PCDHA1: variants seen among roughly 807,000 people sequenced by gnomAD.
PCDHA1 encodes the protein protocadherin alpha 1, also known as protocadherin alpha-1.
In PCDHA1, 42 loss-of-function variants were observed where a neutral mutation model predicts 61.3. The observed-to-expected ratio is 0.69, with a 90% confidence interval of 0.54 to 0.89. The LOEUF (loss-of-function observed/expected upper bound fraction) is 0.89, where lower values mean the gene tolerates loss of function less well. Among genes scored for constraint, PCDHA1 ranks in the 40% least tolerant of loss-of-function variants. PCDHA1 has a pLI of 0.00. For synonymous variants in PCDHA1, 610 were observed against 553.8 expected, an observed-to-expected ratio of 1.10 and a Z score of -1.43; for missense variants, 1,256 against 1,235.3, an observed-to-expected ratio of 1.02 and a Z score of -0.25.
chr5:140,887,221 C>G lies in PCDHA1; in HGVS notation c.2395-91728C>G, dbSNP rs149306651. ...ACGCCATTCTCCTGCCTCAGCCTCCCGAGTAGCTGAGACTACCGGCGCCCG... is the reference window on the plus strand; with the variant it reads ...ACGCCATTCTCCTGCCTCAGCCTCCGGAGTAGCTGAGACTACCGGCGCCCG... On this transcript the variant is annotated intron_variant, in intron 1 of 3. Transcript: ENST00000504120. Among the ~76,000 whole-genome samples, 1,413 of 151,972 alleles carry G rather than the reference C, an allele frequency of 9.3e-3. 17 individuals carry two copies. The highest frequency in any genetic ancestry group is 0.033 in the African/African-American group (1,349 of 41,450).
intron 1 of PCDHA1, chr5:140,860,355 TG>T (rs1218123475): frequency 1.3e-5 from 2 of 152,074 alleles, no homozygotes; most frequent in African/African-American, 2.4e-5. Context: ...CACTCCAGCC[TG>T]GATGACAAAG....
intron 1 of PCDHA1, among the ~76,000 whole-genome samples, chr5:140,971,045 T>C (rs2096453995): frequency 6.6e-6 from 1 of 152,090 alleles, no homozygotes; most frequent in East Asian, 1.9e-4. Context: ...CGTAAAAGGG[T>C]TTAGCTTTAA....
At chr5:140,853,861 T>C in intron 1 of PCDHA1, 1 of 984,790 alleles carries the variant, frequency 1.0e-6, no homozygotes, top group Non-Finnish European at 1.2e-6. Flanking sequence ...TATTTGATAC[T>C]TGACAGTGCA....
At chr5:140,855,757 G>C (rs1242521250) in intron 1 of PCDHA1, 2 of 357,032 alleles carry the variant, frequency 5.6e-6, no homozygotes, top group African/African-American at 2.1e-5. Flanking sequence ...GGCTTTGAAA[G>C]TCCATAGACA....
At chr5:140,966,753 C>T in intron 1 of PCDHA1, 1 of 1,433,176 alleles carries the variant, frequency 7.0e-7, no homozygotes, top group South Asian at 1.5e-5. Context: ...CTGCCTCCGC[C>T]GCGGCCAGTG....
chr5:140,801,288 C>A, intron 1 of PCDHA1: 1 of 1,613,524 alleles, frequency 6.2e-7, no homozygotes, highest in Non-Finnish European at 8.5e-7. Flanking sequence ...GAGCGGCCAG[C>A]TCCACTACTC....
intron 1 of PCDHA1, chr5:140,842,702 A>G (rs1554139288): frequency 2.5e-6 from 4 of 1,595,028 alleles, no homozygotes; most frequent in Non-Finnish European, 1.7e-6. Flanking sequence ...GCCCGAGTAC[A>G]CGGTGTTCGT....
chr5:141,010,025 A>G lies in PCDHA1; in HGVS notation c.*88A>G. The G allele has an allele frequency of 6.4e-7, 1 of 1,573,940 alleles. No homozygotes were observed. The highest frequency in any genetic ancestry group is 2.2e-5 in the East Asian group (1 of 44,636). ...TAGCAATTCCCTGCTCCTTTTTCCT[A>G]TCTACATGAGCCCTCTTAGAGACCT... On this transcript the variant is annotated 3_prime_UTR_variant, in exon 4 of 4. Transcript: ENST00000504120.
At chr5:140,822,911 G>A (rs2150120278) in intron 1 of PCDHA1, 1 of 1,614,254 alleles carries the variant, frequency 6.2e-7, no homozygotes, top group Non-Finnish European at 8.5e-7. Flanking sequence ...CGTGACTCAG[G>A]TGCCAACGGG....
intron 1 of PCDHA1, chr5:140,822,744 T>C (rs1767420186): frequency 3.7e-6 from 6 of 1,613,748 alleles, no homozygotes; most frequent in Non-Finnish European, 4.2e-6. Context: ...ATGCCATGGA[T>C]AAAAGTACAT....
intron 1 of PCDHA1, chr5:140,883,939 C>T (rs782266148): frequency 6.2e-7 from 1 of 1,613,422 alleles, no homozygotes; most frequent in Non-Finnish European, 8.5e-7. Context: ...TCGTGCTGGA[C>T]GAGAACGACA....
chr5:140,921,587 A>G (rs970982898), intron 1 of PCDHA1, among the ~76,000 whole-genome samples: 2 of 152,228 alleles, frequency 1.3e-5, no homozygotes, highest in Non-Finnish European at 2.9e-5. Context: ...ATACTATATT[A>G]TGGTTTCAAA....
intron 1 of PCDHA1, chr5:140,842,147 G>A: frequency 6.2e-7 from 1 of 1,613,842 alleles, no homozygotes; most frequent in Non-Finnish European, 8.5e-7. Flanking sequence ...AGCCAATGGG[G>A]CAATTTCATA....
chr5:140,829,049 A>G (rs2150162138), intron 1 of PCDHA1: 1 of 1,613,120 alleles, frequency 6.2e-7, no homozygotes, highest in South Asian at 1.1e-5. Flanking sequence ...CAAAATCCTC[A>G]TTGACGCCAC....
intron 1 of PCDHA1, chr5:140,863,417 G>T (rs182048002): frequency 3.6e-5 from 25 of 701,046 alleles, no homozygotes; most frequent in South Asian, 3.2e-4. Flanking sequence ...CTGGTGTACC[G>T]CAGCGTAGTG....
At chr5:140,978,422 T>C (rs1554239303) in intron 1 of PCDHA1, among the ~76,000 whole-genome samples, 2 of 152,218 alleles carry the variant, frequency 1.3e-5, no homozygotes, top group Non-Finnish European at 2.9e-5. Flanking sequence ...AAGAGACTGT[T>C]ATCAGTTGCT....
chr5:140,841,666 G>A, intron 1 of PCDHA1: 1 of 1,613,974 alleles, frequency 6.2e-7, no homozygotes, highest in Non-Finnish European at 8.5e-7. Flanking sequence ...GGCCGCTGCA[G>A]GTTTTCCATG....
intron 1 of PCDHA1, chr5:140,856,310 C>T (rs782387382): frequency 5.0e-6 from 8 of 1,598,548 alleles, no homozygotes; most frequent in Non-Finnish European, 6.8e-6. Context: ...TGTGAATTCT[C>T]GGATTGACCG....
intron 1 of PCDHA1, among the ~76,000 whole-genome samples, chr5:140,909,116 T>C (rs1273091505): frequency 6.6e-6 from 1 of 152,182 alleles, no homozygotes; most frequent in African/African-American, 2.4e-5. Context: ...ATCAGCAAAA[T>C]GTCATCAAGG....
Sources: allele counts gnomAD v4.1 joint callset (sites outside exome capture counted in the v4.1 genomes callset), GRCh38; gene constraint gnomAD v4.1.1; transcripts MANE v1.5; gene names NCBI Gene and HGNC (gene_info 2026-07-23, HGNC 2026-07-21).